Variants in CDH18 observed in about 807,000 individuals in gnomAD.
CDH18 encodes cadherin 18.
CDH18 carries 31 observed loss-of-function variants against 67.9 expected under a neutral mutation model. The ratio of observed to expected loss-of-function variants is 0.46; its 90% CI spans 0.34 to 0.62. CDH18 has a LOEUF of 0.62. CDH18 is among the 20% of genes least tolerant of loss of function. CDH18 has a pLI of 0.01. For synonymous variants in CDH18, 362 were observed against 347.2 expected (o/e 1.04, Z -0.48); for missense variants, 890 against 975.5 (o/e 0.91, Z 1.17).
chr5:19,986,965 T>C (rs1799622400), intron 1 of CDH18, among the ~76,000 whole-genome samples: 1 of 152,154 alleles, frequency 6.6e-6, no homozygotes. Context: ...AGCCTGTAGT[T>C]AGTTTTTTTG....
chr5:20,140,606 C>T (rs550281414), intron 2 of CDH18, among the ~76,000 whole-genome samples: 7 of 152,122 alleles, frequency 4.6e-5, no homozygotes, highest in Non-Finnish European at 1.0e-4. Context: ...CAAAATGTTA[C>T]TTTGAGTACT....
intron 1 of CDH18, among the ~76,000 whole-genome samples, chr5:20,262,442 A>G (rs1744726240): frequency 6.6e-6 from 1 of 152,176 alleles, no homozygotes. Flanking sequence ...GTCTCCTTAA[A>G]TTATGTCAGG....
At chr5:20,497,497 G>A (rs182672404) in intron 1 of CDH18, among the ~76,000 whole-genome samples, 2 of 152,238 alleles carry the variant, frequency 1.3e-5, no homozygotes, top group East Asian at 3.9e-4. Context: ...TAGCCTAAGA[G>A]CAATAGGCTG....
At chr5:20,549,883 AAAAGT>A (rs1286676716) in intron 1 of CDH18, among the ~76,000 whole-genome samples, 3 of 152,178 alleles carry the variant, frequency 2.0e-5, no homozygotes, top group Admixed American at 6.6e-5. Flanking sequence ...CTTTTCAAAG[AAAAGT>A]AGTTTATAAA....
intron 2 of CDH18, among the ~76,000 whole-genome samples, chr5:20,113,666 A>G (rs533171695): frequency 1.2e-4 from 18 of 152,256 alleles, no homozygotes; most frequent in African/African-American, 4.1e-4. Flanking sequence ...AATAAGGTCA[A>G]TGAGAACGTT....
intron 12 of CDH18, among the ~76,000 whole-genome samples, chr5:19,481,916 C>G (rs2126578200): frequency 6.6e-6 from 1 of 152,236 alleles, no homozygotes; most frequent in South Asian, 2.1e-4. Flanking sequence ...AGAAAGATTC[C>G]TTACATCCAT....
chr5:19,556,026 A>C (rs562924993), intron 8 of CDH18, among the ~76,000 whole-genome samples: 32 of 152,096 alleles, frequency 2.1e-4, no homozygotes, highest in Non-Finnish European at 3.7e-4. Context: ...GAGAAATAAC[A>C]ATAATTGAAG....
chr5:19,941,536 C>G (rs1021093350), intron 2 of CDH18, among the ~76,000 whole-genome samples: 1 of 151,964 alleles, frequency 6.6e-6, no homozygotes, highest in Non-Finnish European at 1.5e-5. Flanking sequence ...AATCCCAGAA[C>G]TTTGGGAGGC....
At chr5:20,191,784 G>A (rs534661277) in intron 2 of CDH18, among the ~76,000 whole-genome samples, 24 of 152,076 alleles carry the variant, frequency 1.6e-4, no homozygotes, top group East Asian at 7.7e-4. Flanking sequence ...TTGGTTCCAC[G>A]TCTCTGCTAT....
chr5:20,436,471 G>T (rs561755953), intron 1 of CDH18, among the ~76,000 whole-genome samples: 9 of 151,856 alleles, frequency 5.9e-5, no homozygotes, highest in African/African-American at 2.2e-4. Context: ...AATAAACATG[G>T]TTATTATCAA....
chr5:19,522,090 G>A (rs1010985407), intron 9 of CDH18, among the ~76,000 whole-genome samples: 5 of 151,834 alleles, frequency 3.3e-5, no homozygotes, highest in East Asian at 1.9e-4. Flanking sequence ...AAAAAAAGAC[G>A]GAAGAGGTAC....
At chr5:19,953,138 G>T (rs1382457407) in intron 2 of CDH18, among the ~76,000 whole-genome samples, 1 of 152,040 alleles carries the variant, frequency 6.6e-6, no homozygotes, top group African/African-American at 2.4e-5. Context: ...TACTCACAGA[G>T]CACATTGAAA....
At chr5:20,451,888 A>G (rs1750475505) in intron 1 of CDH18, among the ~76,000 whole-genome samples, 2 of 152,198 alleles carry the variant, frequency 1.3e-5, no homozygotes, top group African/African-American at 4.8e-5. Context: ...AACACAAAGT[A>G]ACTTATAGCC....
At chr5:20,324,367 G>A (rs1050130458) in intron 1 of CDH18, among the ~76,000 whole-genome samples, 2 of 152,022 alleles carry the variant, frequency 1.3e-5, no homozygotes, top group South Asian at 2.1e-4. Flanking sequence ...GTGAAACCCC[G>A]TCTCTATTAA....
chr5:20,230,391 T>A (rs1232719176), intron 2 of CDH18, among the ~76,000 whole-genome samples: 3 of 152,178 alleles, frequency 2.0e-5, no homozygotes, highest in African/African-American at 7.2e-5. Flanking sequence ...TTTCCCCTAT[T>A]TCTAAGACAT....
chr5:19,569,723 A>G (rs1458693631), intron 8 of CDH18, among the ~76,000 whole-genome samples: 1 of 152,166 alleles, frequency 6.6e-6, no homozygotes, highest in Non-Finnish European at 1.5e-5. Context: ...CTAAATGTAC[A>G]TATTGGTACC....
At chr5:20,424,738 C>T (rs1224791710) in intron 1 of CDH18, among the ~76,000 whole-genome samples, 1 of 88,112 alleles carries the variant, frequency 1.1e-5, no homozygotes, top group Non-Finnish European at 2.0e-5. Flanking sequence ...TAGAGCAAGA[C>T]TCTGTCTAAA....
In CDH18 at chr5:19,970,215, A is replaced by T. The variant is rs187644960; in HGVS notation, c.-257+10845T>A. 2.0e-5 allele frequency among the ~76,000 whole-genome samples: 3 copies of T among 151,444 alleles called. No individual in the cohort carries two copies. The East Asian group carries it at 5.8e-4, about 29-fold the overall frequency. On this transcript the variant is annotated intron_variant, in intron 2 of 12. Coordinates refer to ENST00000382275, the MANE Select transcript of CDH18 (RefSeq NM_004934.5). ...AAAGAAGCAAATTCATCAATGAATA[A>T]ATTATAATAAATTATAGTATTAATA...
At chr5:20,409,406 C>T (rs1746576084) in intron 1 of CDH18, among the ~76,000 whole-genome samples, 2 of 151,572 alleles carry the variant, frequency 1.3e-5, no homozygotes, top group Admixed American at 6.6e-5. Context: ...AAACAATATA[C>T]ATTTGAACAA....
Sources: allele counts gnomAD v4.1 joint callset (sites outside exome capture counted in the v4.1 genomes callset), GRCh38; gene constraint gnomAD v4.1.1; transcripts MANE v1.5; gene names NCBI Gene and HGNC (gene_info 2026-07-23, HGNC 2026-07-21).